PHTF2: variants seen among roughly 807,000 people sequenced by gnomAD.
The protein encoded by PHTF2 is protein PHTF2.
Under a neutral mutation model 101.2 loss-of-function variants are expected in PHTF2, and 60 were observed. The observed-to-expected ratio is 0.59, with a 90% confidence interval of 0.48 to 0.73. The LOEUF (loss-of-function observed/expected upper bound fraction) is 0.73, where lower values mean the gene tolerates loss of function less well. Among genes scored for constraint, PHTF2 ranks in the 30% least tolerant of loss-of-function variants. PHTF2 has a pLI of 0.00. For synonymous variants in PHTF2, 311 were observed against 307.3 expected, an observed-to-expected ratio of 1.01 and a Z score of -0.13; for missense variants, 747 against 908.7, an observed-to-expected ratio of 0.82 and a Z score of 2.29.
At chr7:77,895,687 T>A (rs1262943550) in intron 5 of PHTF2, among the ~76,000 whole-genome samples, 1 of 152,182 alleles carries the variant, frequency 6.6e-6, no homozygotes, top group African/African-American at 2.4e-5. Context: ...TCCTCTTTTT[T>A]AAAAGAACTC....
chr7:77,817,067 CT>C (rs1228900605), intron 1 of PHTF2, among the ~76,000 whole-genome samples: 5 of 152,084 alleles, frequency 3.3e-5, no homozygotes, highest in African/African-American at 1.2e-4. Context: ...ATTTTCTTTC[CT>C]TTGGATAAAA....
chr7:77,845,809 C>G (rs1311241793), intron 2 of PHTF2, among the ~76,000 whole-genome samples: 2 of 152,200 alleles, frequency 1.3e-5, no homozygotes, highest in Non-Finnish European at 2.9e-5. Flanking sequence ...CCATCAGTCT[C>G]CTGGATTCTT....
rs756454841 is a variant in PHTF2, at chr7:77,949,670, A to G, written c.1960-8A>G. ...TGCTGCTTTATGTTACCTTTTTCAT[A>G]CTTTTAGCTACTTCATGTACACGAG... On this transcript the variant is annotated splice_polypyrimidine_tract_variant and splice_region_variant and intron_variant, in intron 16 of 19. Transcript: ENST00000416283. 19 of 1,503,024 alleles carry G rather than the reference A, an allele frequency of 1.3e-5. No individual in the cohort carries two copies. The highest frequency in any genetic ancestry group is 2.8e-5 in the African/African-American group (2 of 72,124). 93.1% of individuals were successfully genotyped at this position (1,503,024 alleles called of 1,614,324 possible).
At chr7:77,866,001 T>C (rs992186517) in intron 3 of PHTF2, among the ~76,000 whole-genome samples, 3 of 152,050 alleles carry the variant, frequency 2.0e-5, no homozygotes, top group African/African-American at 4.8e-5. Context: ...CTGGCCAATA[T>C]GGTGAAACCA....
chr7:77,914,303 C>G (rs538656350), intron 9 of PHTF2, among the ~76,000 whole-genome samples: 6 of 151,264 alleles, frequency 4.0e-5, no homozygotes, highest in Non-Finnish European at 8.8e-5. Flanking sequence ...TCGATTGGGT[C>G]TTGAAGTGAA....
At chr7:77,887,459 GGCT>G in intron 3 of PHTF2, among the ~76,000 whole-genome samples, 1 of 151,124 alleles carries the variant, frequency 6.6e-6, no homozygotes, top group East Asian at 1.9e-4. Flanking sequence ...CCTCTGTAAT[GGCT>G]CAAACTTTAG....
At chr7:77,888,752 A>G (rs1412080982) in intron 3 of PHTF2, among the ~76,000 whole-genome samples, 1 of 152,126 alleles carries the variant, frequency 6.6e-6, no homozygotes, top group Non-Finnish European at 1.5e-5. Context: ...CTTGCGATTT[A>G]ATTTTATGTA....
chr7:77,940,177 A>G (rs1188103796), exon 14 of PHTF2: 1 of 1,613,742 alleles, frequency 6.2e-7, no homozygotes, highest in East Asian at 2.2e-5. Flanking sequence ...ACTTTATGTG[A>G]TTGCATTTGG....
intron 3 of PHTF2, among the ~76,000 whole-genome samples, chr7:77,884,252 C>G (rs990165520): frequency 6.6e-6 from 1 of 152,108 alleles, no homozygotes; most frequent in African/African-American, 2.4e-5. Flanking sequence ...TTTTCAGTAG[C>G]TTTTGGGGCA....
intron 3 of PHTF2, among the ~76,000 whole-genome samples, chr7:77,862,872 G>A (rs562363088): frequency 1.3e-5 from 2 of 152,262 alleles, no homozygotes; most frequent in South Asian, 4.1e-4. Context: ...GAAAGGCCTG[G>A]GAGTGACTAA....
chr7:77,847,182 A>G (rs1245867934), intron 2 of PHTF2, among the ~76,000 whole-genome samples: 1 of 152,192 alleles, frequency 6.6e-6, no homozygotes, highest in Admixed American at 6.5e-5. Flanking sequence ...TAAGTGATAC[A>G]CAGAAGTGCT....
At chr7:77,936,201 A>G (rs1294174310) in intron 12 of PHTF2, among the ~76,000 whole-genome samples, 1 of 152,122 alleles carries the variant, frequency 6.6e-6, no homozygotes, top group East Asian at 1.9e-4. Context: ...TACTCCCCCT[A>G]GAGGAAAGTG....
At chr7:77,842,825 G>C (rs1427903187) in intron 2 of PHTF2, among the ~76,000 whole-genome samples, 1 of 152,166 alleles carries the variant, frequency 6.6e-6, no homozygotes, top group Non-Finnish European at 1.5e-5. Flanking sequence ...TAGGTTTTGA[G>C]TCATAGGTCT....
At chr7:77,848,710 T>A (rs1461574462) in intron 2 of PHTF2, among the ~76,000 whole-genome samples, 1 of 152,214 alleles carries the variant, frequency 6.6e-6, no homozygotes, top group Non-Finnish European at 1.5e-5. Flanking sequence ...TTTAACTTGG[T>A]GTAATTGCAT....
intron 3 of PHTF2, among the ~76,000 whole-genome samples, chr7:77,865,691 C>T (rs910259600): frequency 2.0e-5 from 3 of 152,146 alleles, no homozygotes; most frequent in African/African-American, 4.8e-5. Context: ...TTACTGTATA[C>T]TTGGTACTTG....
At chr7:77,819,661 G>T (rs909600588) in intron 1 of PHTF2, among the ~76,000 whole-genome samples, 1 of 152,136 alleles carries the variant, frequency 6.6e-6, no homozygotes, top group African/African-American at 2.4e-5. Flanking sequence ...ATTTTTATGT[G>T]TATGTGCATC....
At chr7:77,810,582 G>T (rs1466072452) in intron 1 of PHTF2, among the ~76,000 whole-genome samples, 3 of 152,102 alleles carry the variant, frequency 2.0e-5, no homozygotes, top group African/African-American at 7.2e-5. Flanking sequence ...CTGTCGTCCA[G>T]GCTGGAGTGC....
intron 1 of PHTF2, among the ~76,000 whole-genome samples, 181 bp downstream of exon 1, chr7:77,799,152 A>C (rs2150445342): frequency 6.6e-6 from 1 of 152,074 alleles, no homozygotes; most frequent in African/African-American, 2.4e-5. Context: ...CCCGTACCTG[A>C]GGGCCGGGGT....
At chr7:77,882,125 A>G (rs945555516) in intron 3 of PHTF2, among the ~76,000 whole-genome samples, 5 of 152,182 alleles carry the variant, frequency 3.3e-5, no homozygotes, top group Non-Finnish European at 1.5e-5. Flanking sequence ...ATTCATGCAG[A>G]GAATCGTGTC....
Sources: gnomAD v4.1 joint callset for allele counts (sites outside exome capture counted in the v4.1 genomes callset) on GRCh38, gnomAD v4.1.1 for gene constraint, MANE v1.5 for transcripts, NCBI Gene and HGNC (gene_info 2026-07-23, HGNC 2026-07-21) for gene names.